The following REPS2 variants were observed in gnomAD, a reference collection of about 807,000 sequenced individuals.
REPS2 encodes the protein RALBP1 associated Eps domain containing 2, also known as ralBP1-associated Eps domain-containing protein 2.
Under a neutral mutation model 53.6 loss-of-function variants are expected in REPS2, and 23 were observed. The ratio of observed to expected loss-of-function variants is 0.43; its 90% CI spans 0.31 to 0.61. The LOEUF is 0.61. Among genes scored for constraint, REPS2 ranks in the 20% least tolerant of loss-of-function variants. The probability of loss-of-function intolerance (pLI) is 0.11; values close to 1 mark genes in which losing one functional copy is unlikely to be tolerated. For missense variants in REPS2, 446 were observed against 534.9 expected, an observed-to-expected ratio of 0.83 and a Z score of 1.64; for synonymous variants, 238 against 218.6, an observed-to-expected ratio of 1.09 and a Z score of -0.78.
At chrX:17,122,906 C>T (rs1318307826) in intron 14 of REPS2, among the ~76,000 whole-genome samples, 2 of 112,297 alleles carry the variant, frequency 1.8e-5, no homozygotes, top group Non-Finnish European at 3.8e-5. Context: ...TACTCCATCA[C>T]ACTGATACAC....
At chrX:17,050,190 C>CTTTCTTTTCT (rs2061974003) in intron 6 of REPS2, among the ~76,000 whole-genome samples, 11 of 48,689 alleles carry the variant, frequency 2.3e-4, no homozygotes, top group East Asian at 1.4e-3. Context: ...TTCTTTCTTT[C>CTTTCTTTTCT]TTTCTTTTTT....
intron 13 of REPS2, among the ~76,000 whole-genome samples, chrX:17,085,319 G>A (rs1173844704): frequency 2.7e-5 from 3 of 111,710 alleles, no homozygotes; most frequent in Admixed American, 9.5e-5. Context: ...GAGTCCTCCT[G>A]CTTTATTCTT....
At chrX:17,125,544 G>T (rs2063198056) in intron 14 of REPS2, among the ~76,000 whole-genome samples, 1 of 112,487 alleles carries the variant, frequency 8.9e-6, no homozygotes, top group East Asian at 2.8e-4. Context: ...CTACAAATCT[G>T]AATTTATAAA....
chrX:17,169,728 A>T, the REPS2 span, among the ~76,000 whole-genome samples: 1 of 112,281 alleles, frequency 8.9e-6, no homozygotes, highest in Non-Finnish European at 1.9e-5. Flanking sequence ...ACTGGCTGAC[A>T]ATCAAAGATT....
chrX:17,117,254 C>T (rs1012185332), intron 14 of REPS2, among the ~76,000 whole-genome samples: 4 of 111,922 alleles, frequency 3.6e-5, no homozygotes, highest in African/African-American at 1.3e-4. Flanking sequence ...CTGCCTCATG[C>T]GGGACATTTA....
rs753962519 is a variant in REPS2, at chrX:17,083,716, C to CTA, written c.1516+6310_1516+6311insAT. Among the ~76,000 whole-genome samples, 302 of 111,291 alleles carry CTA rather than the reference C, an allele frequency of 2.7e-3. 2 individuals are homozygous for CTA. Among genetic ancestry groups the CTA allele is most frequent in the African/African-American group, 8.2e-3 (252 of 30,618 alleles). The stretch of plus-strand genomic sequence containing the variant: ...ATTTGGCCACAAAAGCAGCTCTGAC[C>CTA]TTATATATTTCCTTACTGTATTTTT... On this transcript the variant is annotated intron_variant, in intron 13 of 17. Coordinates refer to ENST00000357277, the MANE Select transcript of REPS2 (RefSeq NM_004726.3).
intron 5 of REPS2, among the ~76,000 whole-genome samples, chrX:17,030,648 T>C (rs1488578816): frequency 8.9e-6 from 1 of 112,451 alleles, no homozygotes; most frequent in African/African-American, 3.2e-5. Flanking sequence ...TTCTTAAAGA[T>C]AATAATTTAG....
At chrX:16,981,140 A>T (rs1317391625) in intron 1 of REPS2, among the ~76,000 whole-genome samples, 1 of 111,861 alleles carries the variant, frequency 8.9e-6, no homozygotes, top group Non-Finnish European at 1.9e-5. Flanking sequence ...GGTAGGAGTC[A>T]GTTGTGTTCT....
chrX:17,019,998 C>T (rs2061550701), intron 2 of REPS2, among the ~76,000 whole-genome samples: 1 of 111,853 alleles, frequency 8.9e-6, no homozygotes, highest in East Asian at 2.8e-4. Flanking sequence ...CTTGGAACCA[C>T]CTGACCAAAG....
the REPS2 span, among the ~76,000 whole-genome samples, chrX:17,173,100 A>G: frequency 9.0e-6 from 1 of 111,266 alleles, no homozygotes; most frequent in Non-Finnish European, 1.9e-5. Context: ...TTCTATTTCA[A>G]TGTAACAAAT....
intron 9 of REPS2, among the ~76,000 whole-genome samples, chrX:17,067,281 C>G (rs2062237518): frequency 9.0e-6 from 1 of 111,466 alleles, no homozygotes; most frequent in Non-Finnish European, 1.9e-5. Flanking sequence ...AGTGCATATT[C>G]TTTTCCAGCT....
intron 1 of REPS2, among the ~76,000 whole-genome samples, chrX:16,975,394 T>C (rs756543108): frequency 4.5e-5 from 5 of 112,234 alleles, no homozygotes; most frequent in Non-Finnish European, 9.4e-5. Context: ...TTTTGACTTT[T>C]TAGTAATAGC....
chrX:17,178,220 T>C, the REPS2 span, among the ~76,000 whole-genome samples: 1 of 111,909 alleles, frequency 8.9e-6, no homozygotes, highest in East Asian at 2.8e-4. Flanking sequence ...ACTCATGGCC[T>C]CACTTTGCAC....
At chrX:17,112,666 C>T (rs757805558) in intron 14 of REPS2, among the ~76,000 whole-genome samples, 5 of 111,199 alleles carry the variant, frequency 4.5e-5, no homozygotes, top group African/African-American at 1.3e-4. Flanking sequence ...TTGAGATGAG[C>T]GAAAACAAAA....
chrX:17,005,624 A>G lies in REPS2; in HGVS notation c.274-597A>G, dbSNP rs185862518. Among the ~76,000 whole-genome samples the G allele has an allele frequency of 3.5e-3, 390 of 111,771 alleles. 4 individuals are homozygous for G. The highest frequency in any genetic ancestry group is 0.012 in the African/African-American group (374 of 30,723). The stretch of plus-strand genomic sequence containing the variant: ...TACAGAAAAGTAACATTTGAGTTCA[A>G]TCTAGGTGGGGAGGAGGATGTTGTT... On this transcript the variant is annotated intron_variant, in intron 1 of 17. Transcript: ENST00000357277.
chrX:17,136,985 C>G (rs2063377850), intron 16 of REPS2: 1 of 112,673 alleles, frequency 8.9e-6, no homozygotes, highest in South Asian at 3.6e-4. Context: ...CTTTTTATGG[C>G]TGAATAATAT....
chrX:17,177,598 GCTCTTAAGCAAACTT>G, the REPS2 span, among the ~76,000 whole-genome samples: 1 of 111,497 alleles, frequency 9.0e-6, no homozygotes, highest in East Asian at 2.8e-4. Flanking sequence ...AAGGTCTGAG[GCTCTTAAGCAAACTT>G]CTCTTTTCTG....
At position 16,968,930 on chromosome X, in the gene REPS2, G is replaced by A. The variant is rs1329501473; in HGVS notation, c.273+21796G>A. On this transcript the variant is annotated intron_variant, in intron 1 of 17. Transcript: ENST00000357277. ...TGGAGGGGCTCCTCACTTCTCAGAC[G>A]GGGCGGCTGCCGGGCGGAGGGGCCC... is the stretch of plus-strand genomic sequence containing the variant. 3.6e-5 allele frequency among the ~76,000 whole-genome samples: 4 copies of A among 111,041 alleles called. No individual in the cohort carries two copies. The East Asian group carries it at 8.8e-4, about 24-fold the overall frequency.
chrX:17,016,175 T>G (rs928369456), intron 2 of REPS2, among the ~76,000 whole-genome samples: 1 of 111,941 alleles, frequency 8.9e-6, no homozygotes, highest in Non-Finnish European at 1.9e-5. Flanking sequence ...ATGATGAGCA[T>G]TTTTTCATGT....
Sources: gnomAD v4.1 joint callset for allele counts (sites outside exome capture counted in the v4.1 genomes callset) on GRCh38, gnomAD v4.1.1 for gene constraint, MANE v1.5 for transcripts, NCBI Gene and HGNC (gene_info 2026-07-23, HGNC 2026-07-21) for gene names.